The following ITGA6 variants were observed in gnomAD, a reference collection of about 807,000 sequenced individuals.
ITGA6 encodes the protein integrin subunit alpha 6, also known as integrin alpha-6.
ITGA6 carries 63 observed loss-of-function variants against 133.6 expected under a neutral mutation model. The ratio of observed to expected loss-of-function variants is 0.47; its 90% CI spans 0.38 to 0.58. The LOEUF (loss-of-function observed/expected upper bound fraction) is 0.58. ITGA6 is among the 20% of genes least tolerant of loss of function. The pLI, the probability that ITGA6 is intolerant of heterozygous loss-of-function variation, is 0.00. For synonymous variants in ITGA6, 434 were observed against 482.0 expected, an observed-to-expected ratio of 0.90 and a Z score of 1.30; for missense variants, 1,068 against 1,309.4, an observed-to-expected ratio of 0.82 and a Z score of 2.85.
At chr2:172,437,913 A>G (rs1308296641) in intron 1 of ITGA6, among the ~76,000 whole-genome samples, 1 of 151,726 alleles carries the variant, frequency 6.6e-6, no homozygotes, top group African/African-American at 2.4e-5. Flanking sequence ...AGTTATATCA[A>G]ATGACACTTA....
At chr2:172,429,263 T>C (rs1684011896) in intron 1 of ITGA6, among the ~76,000 whole-genome samples, 1 of 152,042 alleles carries the variant, frequency 6.6e-6, no homozygotes, top group Non-Finnish European at 1.5e-5. Flanking sequence ...TCTGAGGCTA[T>C]ATGCCTGGCC....
chr2:172,428,869 C>T (rs928249747), intron 1 of ITGA6, among the ~76,000 whole-genome samples: 1 of 152,210 alleles, frequency 6.6e-6, no homozygotes, highest in East Asian at 1.9e-4. Context: ...CCCACATGAT[C>T]GGCTATTTAA....
At chr2:172,467,454 G>C in intron 2 of ITGA6, 27 bp from the exon 3 acceptor site, 1 of 1,585,138 alleles carries the variant, frequency 6.3e-7, no homozygotes, top group South Asian at 1.1e-5. Flanking sequence ...CAGTCACTTG[G>C]AAGGCTAACT....
At chr2:172,473,948 A>T (rs1023283626) in intron 5 of ITGA6, 107 bp from the exon 6 acceptor site, 10 of 710,770 alleles carry the variant, frequency 1.4e-5, no homozygotes, top group Non-Finnish European at 2.5e-5. Context: ...GGTCAAGAGG[A>T]GAGAGGGGTG....
In ITGA6 at chr2:172,427,613, G is replaced by T. The variant is rs912787747; in HGVS notation, c.-176G>T. On this transcript the variant is annotated 5_prime_UTR_variant, in exon 1 of 26. Transcript: ENST00000684293. ...CGGGCTCATTCAGCGGTCGCGAGCT[G>T]CCCGCGAGGGGGAGCGGCCGGACGG... The T allele has an allele frequency of 7.8e-7, 1 of 1,278,616 alleles. No homozygotes were observed. The highest frequency in any genetic ancestry group is 9.8e-7 in the Non-Finnish European group (1 of 1,016,204). 79.2% of individuals were successfully genotyped at this position (1,278,616 alleles called of 1,614,324 possible). A position where few individuals can be genotyped will look rare whatever the true frequency, so the allele number is the denominator to read the frequency against.
chr2:172,428,625 C>G (rs974411692), intron 1 of ITGA6: 2 of 150,884 alleles, frequency 1.3e-5, no homozygotes, highest in South Asian at 4.2e-4. Flanking sequence ...GCTGAGAAAA[C>G]AAGTCTGAGT....
intron 1 of ITGA6, among the ~76,000 whole-genome samples, chr2:172,450,296 G>C (rs1430338901): frequency 6.6e-6 from 1 of 152,192 alleles, no homozygotes; most frequent in Non-Finnish European, 1.5e-5. Flanking sequence ...GAACAGATGT[G>C]GAGGACGGGC....
chr2:172,455,794 A>C (rs1685183003), intron 1 of ITGA6, among the ~76,000 whole-genome samples: 1 of 152,214 alleles, frequency 6.6e-6, no homozygotes, highest in African/African-American at 2.4e-5. Flanking sequence ...TCACCAAAAT[A>C]AGGAAAATAG....
chr2:172,440,113 C>T (rs564297820), intron 1 of ITGA6, among the ~76,000 whole-genome samples: 10 of 152,164 alleles, frequency 6.6e-5, no homozygotes, highest in Non-Finnish European at 1.2e-4. Flanking sequence ...AAGACAGCAC[C>T]TGTTTGCCCT....
intron 1 of ITGA6, among the ~76,000 whole-genome samples, chr2:172,450,830 AT>A (rs1273082529): frequency 6.9e-6 from 1 of 145,340 alleles, no homozygotes; most frequent in East Asian, 1.9e-4. Context: ...GTATATATAT[AT>A]AAAATATATA....
chr2:172,454,831 G>A (rs866048354), intron 1 of ITGA6, among the ~76,000 whole-genome samples: 23 of 152,236 alleles, frequency 1.5e-4, no homozygotes, highest in African/African-American at 4.6e-4. Flanking sequence ...GAAGATGCTC[G>A]CCCGCTGGCT....
chr2:172,438,665 C>G (rs1317216655), intron 1 of ITGA6, among the ~76,000 whole-genome samples: 1 of 151,858 alleles, frequency 6.6e-6, no homozygotes, highest in Non-Finnish European at 1.5e-5. Context: ...GAGTGCCCGG[C>G]ATATCCAATC....
intron 1 of ITGA6, among the ~76,000 whole-genome samples, chr2:172,450,908 TTA>T (rs1254584659): frequency 1.4e-5 from 2 of 146,504 alleles, no homozygotes; most frequent in African/African-American, 5.0e-5. Context: ...TATATTTATA[TTA>T]TATATAAATT....
rs746830225 is a variant in ITGA6, at chr2:172,487,718, GT to G, written c.2245-3del. ...ATGGCCTGTGTTAACAGCTATTTATGTTTTTTTAGGTCACTTTTTATTTGGT... is the reference window on the plus strand; with the variant it reads ...ATGGCCTGTGTTAACAGCTATTTATGTTTTTTAGGTCACTTTTTATTTGGT... On this transcript the variant is annotated splice_polypyrimidine_tract_variant and intron_variant, in intron 16 of 25. Transcript: ENST00000684293. 5.8e-3 allele frequency: 9,307 copies of G among 1,608,040 alleles called. 445 individuals carry two copies. The African/African-American group carries it at 0.11, about 19-fold the overall frequency.
chr2:172,502,425 T>TGG (rs1429430724), intron 25 of ITGA6, among the ~76,000 whole-genome samples: 3 of 152,168 alleles, frequency 2.0e-5, no homozygotes, highest in African/African-American at 7.2e-5. Context: ...TATAAAGTGA[T>TGG]GGGGAAGGCT....
intron 24 of ITGA6, among the ~76,000 whole-genome samples, chr2:172,499,118 G>C (rs1183149538): frequency 1.3e-5 from 2 of 152,184 alleles, no homozygotes; most frequent in East Asian, 3.9e-4. Flanking sequence ...TAATACATAA[G>C]GGTTCAAGAT....
intron 24 of ITGA6, among the ~76,000 whole-genome samples, chr2:172,501,211 C>G (rs1275648892): frequency 1.3e-5 from 2 of 152,134 alleles, no homozygotes; most frequent in Non-Finnish European, 2.9e-5. Context: ...AGCAATCATT[C>G]TTTCATGATG....
Position 172,487,821 on chromosome 2 carries a change from CA to C in ITGA6, c.2324+16del, listed in dbSNP as rs1461719320. The C allele has an allele frequency of 7.0e-6, 11 of 1,565,038 alleles. No individual in the cohort carries two copies. The highest frequency in any genetic ancestry group is 9.7e-6 in the Non-Finnish European group (11 of 1,135,798). On this transcript the variant is annotated intron_variant, in intron 17 of 25. Coordinates refer to ENST00000684293, the MANE Select transcript of ITGA6 (RefSeq NM_000210.4). Reference sequence around the variant, plus strand: ...GAAGTTAGAAACGTAAGAGTTACATCAACCTCTCCATTCAGAATTATTTCAT... The same window carrying C: ...GAAGTTAGAAACGTAAGAGTTACATCACCTCTCCATTCAGAATTATTTCAT...
At chr2:172,489,803 G>T (rs937457138) in intron 20 of ITGA6, 145 bp downstream of exon 20, 5 of 787,672 alleles carry the variant, frequency 6.3e-6, no homozygotes, top group South Asian at 5.0e-5. Flanking sequence ...CTCTTTTCTA[G>T]TTGGGTAACT....
Sources: allele counts gnomAD v4.1 joint callset (sites outside exome capture counted in the v4.1 genomes callset), GRCh38; gene constraint gnomAD v4.1.1; transcripts MANE v1.5; gene names NCBI Gene and HGNC (gene_info 2026-07-23, HGNC 2026-07-21).